CATSPER2: variants seen among roughly 807,000 people sequenced by gnomAD.
CATSPER2 encodes the protein cation channel sperm associated 2, also known as cation channel sperm-associated protein 2.
Under a neutral mutation model 68.8 loss-of-function variants are expected in CATSPER2, and 56 were observed. The observed-to-expected ratio is 0.81, with a 90% CI of 0.66 to 1.02. The LOEUF (loss-of-function observed/expected upper bound fraction) is 1.02. Ranked by LOEUF, CATSPER2 falls within the 50% of genes least tolerant of loss-of-function variation. The pLI is 0.00. For synonymous variants in CATSPER2, 198 were observed against 229.9 expected (o/e 0.86, Z 1.26); for missense variants, 582 against 642.0 (o/e 0.91, Z 1.01).
At chr15:43,638,001 C>A (rs1025077398) in intron 7 of CATSPER2, among the ~76,000 whole-genome samples, 1 of 150,314 alleles carries the variant, frequency 6.7e-6, no homozygotes, top group African/African-American at 2.5e-5. Context: ...GTTGCCCAGG[C>A]TGGAGTGCAG....
intron 4 of CATSPER2, 146 bp downstream of exon 4, chr15:43,646,904 A>T: frequency 1.4e-6 from 1 of 720,372 alleles, no homozygotes; most frequent in South Asian, 1.5e-5. Flanking sequence ...TTTAGTAGAG[A>T]CAGGGTTTCA....
intron 6 of CATSPER2, 80 bp downstream of exon 6, chr15:43,639,563 C>T (rs1273369875): frequency 6.2e-7 from 1 of 1,605,644 alleles, no homozygotes; most frequent in East Asian, 2.2e-5. Context: ...CCGCACCCGG[C>T]CAATTTGTTT....
At chr15:43,638,862 C>A in intron 7 of CATSPER2, 42 bp downstream of exon 7, 2 of 1,610,210 alleles carry the variant, frequency 1.2e-6, no homozygotes, top group South Asian at 1.1e-5. Context: ...GTCTCTTAGC[C>A]AAATTTTCTC....
At chr15:43,631,200 T>C (rs2085864199) in intron 12 of CATSPER2, among the ~76,000 whole-genome samples, 1 of 151,962 alleles carries the variant, frequency 6.6e-6, no homozygotes. Flanking sequence ...AGATAACACA[T>C]ATTAAATCAT....
In CATSPER2 at chr15:43,638,286, C is replaced by CTTTCTTTTTTTTTTT. The variant is rs1354288133; in HGVS notation, c.842+617_842+618insAAAAAAAAAAAGAAA. On this transcript the variant is annotated intron_variant, in intron 7 of 12. Transcript: ENST00000396879. Reference sequence around the variant, plus strand: ...ATTTTTCTTTTCTTTTTCTTTCTTTCTTTTTTTTTTTTTTTTTTTTTGAGA... The same window carrying CTTTCTTTTTTTTTTT: ...ATTTTTCTTTTCTTTTTCTTTCTTTCTTTCTTTTTTTTTTTTTTTTTTTTTTTTTTTTTTTTGAGA... Among the ~76,000 whole-genome samples the CTTTCTTTTTTTTTTT allele has an allele frequency of 9.2e-4, 75 of 81,832 alleles. 6 individuals carry two copies. The highest frequency in any genetic ancestry group is 5.0e-3 in the African/African-American group (67 of 13,270). The allele number at this position is 81,832 out of a possible 152,430, so 53.7% of individuals were successfully genotyped here. A position where few individuals can be genotyped will look rare whatever the true frequency, so the allele number is the denominator to read the frequency against.
intron 4 of CATSPER2, chr15:43,642,534 A>T (rs1427762439): frequency 7.6e-6 from 1 of 132,342 alleles, no homozygotes; most frequent in Non-Finnish European, 1.6e-5. Flanking sequence ...TTATATAATT[A>T]GAAAGAGCTG....
intron 4 of CATSPER2, among the ~76,000 whole-genome samples, chr15:43,646,289 ATTTC>A (rs1321339560): frequency 7.3e-6 from 1 of 137,084 alleles, no homozygotes; most frequent in African/African-American, 3.3e-5. Context: ...AAATATTAAT[ATTTC>A]TTTTTTTTTT....
Position 43,632,742 on chromosome 15 carries a change from A to G in CATSPER2, c.1371T>C (p.Ser457=). The G allele has an allele frequency of 6.2e-7, 1 of 1,613,650 alleles. No homozygotes were observed. Among genetic ancestry groups the G allele is most frequent in the Non-Finnish European group, 8.5e-7 (1 of 1,179,748 alleles). Reference sequence around the variant, plus strand: ...CAATAGATTCAGAAAATCTGGATTCAGAAGAGGAAGAATAGGAAGAGGATG... The same window carrying G: ...CAATAGATTCAGAAAATCTGGATTCGGAAGAGGAAGAATAGGAAGAGGATG... ...SSTSSSYSSS[S]ESRFSESIGR... Residue 457 remains serine (S), a synonymous_variant, in exon 11 of 13, where the codon TCT becomes TCC. Coordinates refer to ENST00000396879, the MANE Select transcript of CATSPER2 (RefSeq NM_172095.4).
In CATSPER2 at chr15:43,639,044, C is replaced by G. The variant is rs767315535; in HGVS notation, c.718-16G>C. On this transcript the variant is annotated splice_polypyrimidine_tract_variant and intron_variant, in intron 6 of 12. Coordinates refer to ENST00000396879, the MANE Select transcript of CATSPER2 (RefSeq NM_172095.4). ...AGGTCATGCTCTAGAGGCCATAACTCTCATGTCAGATGTGGGCCAAACTAG... is the reference window on the plus strand; with the variant it reads ...AGGTCATGCTCTAGAGGCCATAACTGTCATGTCAGATGTGGGCCAAACTAG... 5.6e-6 allele frequency: 9 copies of G among 1,611,072 alleles called. No homozygotes were observed. The highest frequency in any genetic ancestry group is 3.3e-5 in the Admixed American group (2 of 59,794).
intron 4 of CATSPER2, among the ~76,000 whole-genome samples, chr15:43,644,550 C>T (rs527433972): frequency 2.0e-5 from 3 of 152,008 alleles, no homozygotes; most frequent in Admixed American, 6.6e-5. Context: ...GTTAGGAACC[C>T]GGCCATGCAG....
chr15:43,632,183 T>A lies in CATSPER2; in HGVS notation c.1561+16A>T. The stretch of plus-strand genomic sequence containing the variant: ...TATATATTCCCATGGTCCCCATGAC[T>A]GCCCTAACTCCATACCTGCAAACTC... On this transcript the variant is annotated intron_variant, in intron 12 of 12. Coordinates refer to ENST00000396879, the MANE Select transcript of CATSPER2 (RefSeq NM_172095.4). 6.2e-7 allele frequency: 1 copy of A among 1,612,198 alleles called. No homozygotes were observed. Among genetic ancestry groups the A allele is most frequent in the Admixed American group, 1.7e-5 (1 of 59,990 alleles).
intron 4 of CATSPER2, among the ~76,000 whole-genome samples, chr15:43,644,582 G>C (rs1240535697): frequency 1.3e-5 from 2 of 151,954 alleles, no homozygotes; most frequent in Non-Finnish European, 2.9e-5. Context: ...TGGTGGGTGA[G>C]TGAGCATTAC....
At chr15:43,640,023 G>C in intron 5 of CATSPER2, 2 of 1,441,950 alleles carry the variant, frequency 1.4e-6, no homozygotes, top group Non-Finnish European at 1.8e-6. Context: ...TATTTAATTG[G>C]GTTGTTGTGG....
rs747443885 is a variant in CATSPER2 at position 43,647,941 on chromosome 15, G to A, written c.121C>T (p.Arg41Trp). Residue 41 changes from arginine to tryptophan, a missense_variant, in exon 2 of 13, where the codon CGG becomes TGG. Arg to Trp is a moderately radical substitution (Grantham distance 101, BLOSUM62 -3). This residue lies in a region of CATSPER2 where 197 missense variants were observed against 191.0 expected (regional missense o/e 1.03). Coordinates refer to ENST00000396879, the MANE Select transcript of CATSPER2 (RefSeq NM_172095.4). ...CCAAGTAACTCCCTGATAGTGTGCC[G>A]CGGCACAGCTTGGCTCAAGCCTTGC... ...HLQGLSQAVP[R>W]HTIRELLDPS... 26 of 1,613,516 alleles carry A rather than the reference G, an allele frequency of 1.6e-5. No homozygotes were observed. Among genetic ancestry groups the A allele is most frequent in the Middle Eastern group, 3.3e-4 (2 of 6,084 alleles).
At chr15:43,641,667 G>A (rs2141570489) in intron 4 of CATSPER2, among the ~76,000 whole-genome samples, 1 of 151,992 alleles carries the variant, frequency 6.6e-6, no homozygotes, top group African/African-American at 2.4e-5. Flanking sequence ...TTTTACAGAG[G>A]TTGGCCCCTT....
chr15:43,645,205 G>A lies in CATSPER2; in HGVS notation c.388+1845C>T, dbSNP rs149419555. Among the ~76,000 whole-genome samples the A allele has an allele frequency of 2.4e-3, 371 of 151,744 alleles. 6 individuals carry two copies. The highest frequency in any genetic ancestry group is 6.8e-3 in the Middle Eastern group (2 of 294). On this transcript the variant is annotated intron_variant, in intron 4 of 12. Transcript: ENST00000396879. ...TGAGTAGCTGGGACTACAGGCATGT[G>A]CCACCACACCTAGCTAACTTTTGTA...
At chr15:43,632,664 G>A (rs1454201148) in intron 11 of CATSPER2, 53 bp downstream of exon 11, 3 of 1,611,022 alleles carry the variant, frequency 1.9e-6, no homozygotes, top group Non-Finnish European at 2.5e-6. Flanking sequence ...ATGTCTTAAA[G>A]AGGAGTCTGA....
Position 43,639,005 on chromosome 15 carries a change from C to A in CATSPER2, c.741G>T (p.Leu247Phe). The change falls in exon 7 of 13, where the codon TTG becomes TTT. Residue 247 changes from leucine (L) to phenylalanine (F), a missense_variant. Physicochemically the swap from Leu to Phe is conservative, Grantham distance 22. Transcript: ENST00000396879. ...ALKSMTFLLM[L>F]LLIFFYIFAV... Reference sequence around the variant, plus strand: ...CAAAAATGTAGAAGAAGATGAGCAGCAACATCAAGAGGAAGGTCATGCTCT... The same window carrying A: ...CAAAAATGTAGAAGAAGATGAGCAGAAACATCAAGAGGAAGGTCATGCTCT... The A allele has an allele frequency of 6.2e-7, 1 of 1,612,732 alleles. No individual in the cohort carries two copies.
chr15:43,632,826 T>C lies in CATSPER2; in HGVS notation c.1287A>G (p.Lys429=). The change falls in exon 11 of 13, where the codon AAA becomes AAG. Residue 429 remains lysine, a synonymous_variant. Transcript: ENST00000396879. ...TEEDLITSAS[K]TEETLSKKRE... ...TCTTTTTTGACAAGGTCTCTTCTGT[T>C]TTTGATGCAGATGTTATTAAATCCT... is the stretch of plus-strand genomic sequence containing the variant. 1 of 1,613,660 alleles carries C rather than the reference T, an allele frequency of 6.2e-7. No individual in the cohort carries two copies. The highest frequency in any genetic ancestry group is 8.5e-7 in the Non-Finnish European group (1 of 1,179,826).
Sources: gnomAD v4.1 joint callset for allele counts (sites outside exome capture counted in the v4.1 genomes callset) on GRCh38, gnomAD v4.1.1 for gene constraint, gnomAD v4.1.1 regional missense constraint, MANE v1.5 for transcripts, NCBI Gene and HGNC (gene_info 2026-07-23, HGNC 2026-07-21) for gene names.